Variants in PPM1D observed in about 807,000 individuals in gnomAD.
PPM1D encodes the protein protein phosphatase 1D.
PPM1D carries 52 observed loss-of-function variants against 58.3 expected under a neutral mutation model. The observed-to-expected ratio is 0.89, with a 90% CI of 0.71 to 1.12. The LOEUF is 1.12. PPM1D is among the 50% of genes most tolerant of loss of function. PPM1D has a pLI of 0.00. For synonymous variants in PPM1D, 278 were observed against 285.1 expected, an observed-to-expected ratio of 0.98 and a Z score of 0.25; for missense variants, 564 against 777.2, an observed-to-expected ratio of 0.73 and a Z score of 3.26.
At chr17:60,651,753 C>T (rs2031347723) in intron 4 of PPM1D, among the ~76,000 whole-genome samples, 1 of 152,048 alleles carries the variant, frequency 6.6e-6, no homozygotes, top group Non-Finnish European at 1.5e-5. Flanking sequence ...ATGATGCATC[C>T]ATAACACAAG....
At chr17:60,604,027 C>G (rs1030411587) in intron 1 of PPM1D, among the ~76,000 whole-genome samples, 40 of 152,180 alleles carry the variant, frequency 2.6e-4, no homozygotes, top group African/African-American at 9.2e-4. Context: ...GAATTTCATA[C>G]TTAATACGTT....
In PPM1D at chr17:60,663,336, T is replaced by C. The variant is rs1051730714; in HGVS notation, c.1602T>C (p.Phe534=). The stretch of plus-strand genomic sequence containing the variant: ...TTGAAAGAACCCCTCCAACAAACTT[T>C]AAAAGGACATTAGAAGAGTCCAATT... The part of the protein sequence containing the change: ...QEIERTPPTN[F]KRTLEESNSG... The change falls in exon 6 of 6, where the codon TTT becomes TTC. Residue 534 remains phenylalanine, a synonymous_variant. Transcript: ENST00000305921. 6.2e-7 allele frequency: 1 copy of C among 1,614,018 alleles called. No individual in the cohort carries two copies. The highest frequency in any genetic ancestry group is 1.7e-5 in the Admixed American group (1 of 59,992).
At position 60,614,178 on chromosome 17, in the gene PPM1D, C is replaced by T. The variant is rs532486046; in HGVS notation, c.473-9343C>T. Reference sequence around the variant, plus strand: ...ACACCAATCAGCACTCCGTATCTAGCTCGAGGTTTGTAAACACGCCAGTCA... The same window carrying T: ...ACACCAATCAGCACTCCGTATCTAGTTCGAGGTTTGTAAACACGCCAGTCA... On this transcript the variant is annotated intron_variant, in intron 1 of 5. Coordinates refer to ENST00000305921, the MANE Select transcript of PPM1D (RefSeq NM_003620.4). Among the ~76,000 whole-genome samples, 60 of 152,262 alleles carry T rather than the reference C, an allele frequency of 3.9e-4. No individual in the cohort carries two copies. In the Middle Eastern group the frequency reaches 0.01, roughly 26 times the overall value.
chr17:60,620,561 GTAC>G (rs1430312909), intron 1 of PPM1D, among the ~76,000 whole-genome samples: 4 of 151,682 alleles, frequency 2.6e-5, no homozygotes, highest in African/African-American at 7.3e-5. Context: ...GAGTCTCGCT[GTAC>G]TACACAGGCT....
In PPM1D at chr17:60,662,992, CA is replaced by C; in HGVS notation, c.1261-2del. On this transcript the variant is annotated splice_acceptor_variant, in intron 5 of 5. Coordinates refer to ENST00000305921, the MANE Select transcript of PPM1D (RefSeq NM_003620.4). LOFTEE classifies it high-confidence loss of function. ...TTATTTGTTTTACCTTCTTATTTTT[CA>C]GTCACTGGAGGAGGATCCATGGCCA... 6.3e-7 allele frequency: 1 copy of C among 1,581,636 alleles called. No homozygotes were observed. Among genetic ancestry groups the C allele is most frequent in the East Asian group, 2.2e-5 (1 of 44,524 alleles).
chr17:60,660,940 G>A (rs915351105), intron 5 of PPM1D, among the ~76,000 whole-genome samples: 3 of 151,970 alleles, frequency 2.0e-5, no homozygotes, highest in Admixed American at 1.3e-4. Flanking sequence ...CAGGCTGGGC[G>A]CAGTGGCTCA....
Position 60,625,015 on chromosome 17 carries a change from A to G in PPM1D, c.701+1266A>G, listed in dbSNP as rs2143657803. On this transcript the variant is annotated intron_variant, in intron 2 of 5. Transcript: ENST00000305921. The stretch of plus-strand genomic sequence containing the variant: ...AAATTAGCCGGGCGTGGCAGCGTGC[A>G]ACTGTAGTCCCAACTATTCGGGAGG... Among the ~76,000 whole-genome samples the G allele has an allele frequency of 1.3e-5, 2 of 150,636 alleles. 1 individual carries two copies. Among genetic ancestry groups the G allele is most frequent in the East Asian group, 4.0e-4 (2 of 4,976 alleles).
intron 4 of PPM1D, among the ~76,000 whole-genome samples, chr17:60,648,293 C>T (rs2031283579): frequency 6.6e-6 from 1 of 151,908 alleles, no homozygotes; most frequent in Admixed American, 6.6e-5. Context: ...ACAAAACACA[C>T]AACCACTGAC....
intron 1 of PPM1D, among the ~76,000 whole-genome samples, chr17:60,616,584 T>A (rs2030589820): frequency 6.6e-6 from 1 of 152,154 alleles, no homozygotes; most frequent in African/African-American, 2.4e-5. Context: ...CACTCCGGCC[T>A]GGGTGACAGA....
Position 60,656,860 on chromosome 17 carries a change from T to A in PPM1D, c.1260+19T>A, listed in dbSNP as rs375859165. 60 of 1,613,342 alleles carry A rather than the reference T, an allele frequency of 3.7e-5. No individual in the cohort carries two copies. The highest frequency in any genetic ancestry group is 5.1e-5 in the Non-Finnish European group (60 of 1,179,886). On this transcript the variant is annotated intron_variant, in intron 5 of 5. Coordinates refer to ENST00000305921, the MANE Select transcript of PPM1D (RefSeq NM_003620.4). The stretch of plus-strand genomic sequence containing the variant: ...AGTCAAGGTATATAGTTCCATAGTT[T>A]TTAAGTTATGTTTTAATAGACACCA...
intron 1 of PPM1D, among the ~76,000 whole-genome samples, chr17:60,609,218 C>T (rs1598399176): frequency 6.6e-6 from 1 of 151,904 alleles, no homozygotes; most frequent in Non-Finnish European, 1.5e-5. Context: ...CTCAGCCTCC[C>T]CAGTAGCTGG....
intron 3 of PPM1D, among the ~76,000 whole-genome samples, chr17:60,645,452 A>ATGTGTG (rs1381482637): frequency 1.8e-5 from 2 of 108,306 alleles, no homozygotes; most frequent in Admixed American, 2.1e-4. Context: ...AATGTAAAAT[A>ATGTGTG]TATATGTGTG....
chr17:60,645,456 ATGTGTGTGTGTG>A (rs371276467), intron 3 of PPM1D, among the ~76,000 whole-genome samples: 6 of 123,936 alleles, frequency 4.8e-5, no homozygotes, highest in Admixed American at 8.7e-5. Flanking sequence ...TAAAATATAT[ATGTGTGTGTGTG>A]TGTGTGTGTG....
chr17:60,607,462 A>G (rs965637565), intron 1 of PPM1D, among the ~76,000 whole-genome samples: 1 of 152,036 alleles, frequency 6.6e-6, no homozygotes, highest in Non-Finnish European at 1.5e-5. Context: ...TTGTATTTTC[A>G]GTAGAAAAGA....
chr17:60,600,711 C>T lies in PPM1D; in HGVS notation c.297C>T (p.Ala99=). The T allele has an allele frequency of 1.2e-6, 2 of 1,608,160 alleles. No homozygotes were observed. The highest frequency in any genetic ancestry group is 1.7e-6 in the Non-Finnish European group (2 of 1,178,036). Reference sequence around the variant, plus strand: ...GCTGCCGCCGCCGTTCCTCCGTGGCCTTTTTCGCCGTGTGCGACGGGCACG... The same window carrying T: ...GCTGCCGCCGCCGTTCCTCCGTGGCTTTTTTCGCCGTGTGCGACGGGCACG... ...SRCCRRRSSV[A]FFAVCDGHGG... The change falls in exon 1 of 6, where the codon GCC becomes GCT. Residue 99 remains alanine (A), a synonymous_variant. Transcript: ENST00000305921.
intron 2 of PPM1D, among the ~76,000 whole-genome samples, chr17:60,625,129 G>C (rs780062914): frequency 6.6e-6 from 1 of 152,076 alleles, no homozygotes; most frequent in Non-Finnish European, 1.5e-5. Flanking sequence ...GCGACAGAGC[G>C]AGACTCCATC....
At chr17:60,612,670 C>T (rs190877280) in intron 1 of PPM1D, among the ~76,000 whole-genome samples, 5 of 151,700 alleles carry the variant, frequency 3.3e-5, no homozygotes, top group Admixed American at 1.3e-4. Flanking sequence ...ATCAGAAACC[C>T]GGATACTTTT....
chr17:60,640,619 G>A (rs1464268243), intron 3 of PPM1D, among the ~76,000 whole-genome samples: 1 of 152,148 alleles, frequency 6.6e-6, no homozygotes, highest in Non-Finnish European at 1.5e-5. Flanking sequence ...GAGGTTTGGG[G>A]TACGATTGAT....
intron 3 of PPM1D, among the ~76,000 whole-genome samples, chr17:60,645,502 ATATATATGTGTATATATATG>A (rs2031221379): frequency 1.5e-5 from 2 of 131,786 alleles, no homozygotes; most frequent in African/African-American, 6.2e-5. Context: ...GTATGTGTAT[ATATATATGTGTATATATATG>A]TATATATATA....
Sources: gnomAD v4.1 joint callset for allele counts (sites outside exome capture counted in the v4.1 genomes callset) on GRCh38, gnomAD v4.1.1 for gene constraint, MANE v1.5 for transcripts, NCBI Gene and HGNC (gene_info 2026-07-23, HGNC 2026-07-21) for gene names.